The following PLEC variants were observed in gnomAD, a reference collection of about 807,000 sequenced individuals.
PLEC encodes the protein plectin.
PLEC carries 216 observed loss-of-function variants against 392.8 expected under a neutral mutation model. The ratio of observed to expected loss-of-function variants is 0.55; its 90% CI spans 0.49 to 0.62. PLEC has a LOEUF of 0.62. Among genes scored for constraint, PLEC ranks in the 20% least tolerant of loss-of-function variants. PLEC has a pLI of 0.00. For missense variants in PLEC, 6,863 were observed against 6,563.4 expected (o/e 1.05, Z -1.58); for synonymous variants, 3,621 against 2,980.6 (o/e 1.21, Z -7.00).
upstream of PLEC, chr8:143,975,078 C>T (rs1587436887): frequency 7.4e-7 from 1 of 1,355,422 alleles, no homozygotes; most frequent in East Asian, 2.3e-5. The surrounding 1 kb of genome is among the most constrained non-coding windows in gnomAD (Gnocchi z 9.9). Flanking sequence ...CCCCCTAGGC[C>T]TCCCCCACCC....
chr8:143,929,080 C>T (rs368911864), intron 25 of PLEC, 23 bp downstream of exon 25: 14 of 1,554,054 alleles, frequency 9.0e-6, no homozygotes, highest in Admixed American at 5.8e-5. Flanking sequence ...CCCAGCCCCT[C>T]GCCTGTGGCC....
In PLEC at chr8:143,922,647, CCTT is replaced by C; in HGVS notation, c.7279_7281del (p.Lys2427del). On this transcript the variant is annotated inframe_deletion, in exon 31 of 32. Coordinates refer to ENST00000345136, the MANE Select transcript of PLEC (RefSeq NM_201384.3). ...ATCTCCAGTGTCTGCACCAGGGTCACCTTCTCCTGGGTGGCGAGCTCCGTGCGG... is the reference window on the plus strand; with the variant it reads ...ATCTCCAGTGTCTGCACCAGGGTCACCTCCTGGGTGGCGAGCTCCGTGCGG... 1 of 1,613,604 alleles carries C rather than the reference CCTT, an allele frequency of 6.2e-7. No homozygotes were observed. The highest frequency in any genetic ancestry group is 8.5e-7 in the Non-Finnish European group (1 of 1,179,990).
chr8:143,944,741 C>G, intron 1 of PLEC: 3 of 1,260,926 alleles, frequency 2.4e-6, no homozygotes, highest in Non-Finnish European at 3.0e-6. Flanking sequence ...TCGGAGGAGG[C>G]ACAAGCCACT....
chr8:143,943,749 G>C (rs782581557), upstream of PLEC: 4 of 1,602,508 alleles, frequency 2.5e-6, no homozygotes, highest in Admixed American at 6.7e-5. Flanking sequence ...GCCCCGCCTC[G>C]AGTCCCTGGC....
At chr8:143,930,875 C>A (rs1363189227) in intron 19 of PLEC, among the ~76,000 whole-genome samples, 1 of 152,194 alleles carries the variant, frequency 6.6e-6, no homozygotes, top group Non-Finnish European at 1.5e-5. Context: ...CACCCCTCTG[C>A]GGGGGCCAGG....
At chr8:143,963,409 A>G (rs1301944970) in intron 1 of PLEC, among the ~76,000 whole-genome samples, 1 of 152,182 alleles carries the variant, frequency 6.6e-6, no homozygotes, top group African/African-American at 2.4e-5. Context: ...CGGGCCTTGA[A>G]ACCCCACGGA....
Position 143,924,126 on chromosome 8 carries a change from C to A in PLEC, c.5803G>T (p.Glu1935Ter). 6.3e-7 allele frequency: 1 copy of A among 1,598,942 alleles called. No individual in the cohort carries two copies. The highest frequency in any genetic ancestry group is 8.5e-7 in the Non-Finnish European group (1 of 1,179,508). Residue 1935 changes from glutamate to a stop codon, truncating the protein, a stop_gained, in exon 31 of 32, where the codon GAG (glutamate) becomes TAG (stop). Transcript: ENST00000345136. LOFTEE classifies it high-confidence loss of function. ...TCCGCCTTGCCAGCGGCCGCCTTCT[C>A]GAAGCTCGCCTTCAGCGCCAGGATC... ...EEILALKASF[E>*]KAAAGKAELE...
chr8:143,944,541 G>A, upstream of PLEC: 1 of 600,784 alleles, frequency 1.7e-6, no homozygotes, highest in Non-Finnish European at 2.7e-6. Flanking sequence ...GCTGTGTGCA[G>A]GGCGAGGGAC....
intron 1 of PLEC, among the ~76,000 whole-genome samples, chr8:143,960,591 T>C (rs1832827511): frequency 6.6e-6 from 1 of 151,964 alleles, no homozygotes; most frequent in Non-Finnish European, 1.5e-5. Flanking sequence ...CACTCCAGCC[T>C]GGGTGATAAA....
rs200347726 is a variant in PLEC at position 143,933,131 on chromosome 8, A to C, written c.1419-20T>G. On this transcript the variant is annotated intron_variant, in intron 13 of 31. Coordinates refer to ENST00000345136, the MANE Select transcript of PLEC (RefSeq NM_201384.3). ...TACACCCTGGGGCAGCAGAGGACTCAGGTAGGTGTTGGCGGGCCTGGGGCC... is the reference window on the plus strand; with the variant it reads ...TACACCCTGGGGCAGCAGAGGACTCCGGTAGGTGTTGGCGGGCCTGGGGCC... The C allele has an allele frequency of 1.3e-5, 19 of 1,429,072 alleles. No homozygotes were observed. The highest frequency in any genetic ancestry group is 1.8e-5 in the Non-Finnish European group (19 of 1,065,512). 88.5% of individuals were successfully genotyped at this position (1,429,072 alleles called of 1,614,324 possible).
At position 143,921,248 on chromosome 8, in the gene PLEC, G is replaced by T; in HGVS notation, c.8573C>A (p.Thr2858Lys). ...CTGCAGGTACGTGAGGTTCTCGTGCGTGTTGGGGTCAAAGAAGCCCTTGGT... is the reference window on the plus strand; with the variant it reads ...CTGCAGGTACGTGAGGTTCTCGTGCTTGTTGGGGTCAAAGAAGCCCTTGGT... ...DDTKGFFDPN[T>K]HENLTYLQLL... The change falls in exon 32 of 32, where the codon ACG becomes AAG. Residue 2858 changes from threonine (T) to lysine (K), a missense_variant. Transcript: ENST00000345136. 2 of 1,614,130 alleles carry T rather than the reference G, an allele frequency of 1.2e-6. No homozygotes were observed. Among genetic ancestry groups the T allele is most frequent in the Non-Finnish European group, 1.7e-6 (2 of 1,180,048 alleles).
intron 30 of PLEC, among the ~76,000 whole-genome samples, chr8:143,926,182 G>A (rs1330266589): frequency 2.0e-5 from 3 of 152,204 alleles, no homozygotes; most frequent in African/African-American, 4.8e-5. Context: ...GCAGGAGCTC[G>A]GAACCTGCGA....
chr8:143,931,605 G>A lies in PLEC; in HGVS notation c.2233C>T (p.Leu745=). The A allele has an allele frequency of 3.7e-6, 6 of 1,600,756 alleles. No homozygotes were observed. The highest frequency in any genetic ancestry group is 2.3e-5 in the South Asian group (2 of 88,790). The change falls in exon 19 of 32, where the codon CTG becomes TTG. Residue 745 remains leucine, a synonymous_variant. Coordinates refer to ENST00000345136, the MANE Select transcript of PLEC (RefSeq NM_201384.3). ...CGATCACAACTGTATTTCCTACGCA[G>A]TGCCTCCTGCAGCTTCTGCAACTGC... The part of the protein sequence containing the change: ...EGQLQKLQEA[L]RRKYSCDRSA...
Position 143,933,337 on chromosome 8 carries a change from C to T in PLEC, c.1278G>A (p.Leu426=). 1 of 1,611,760 alleles carries T rather than the reference C, an allele frequency of 6.2e-7. No individual in the cohort carries two copies. The highest frequency in any genetic ancestry group is 1.7e-5 in the Admixed American group (1 of 60,026). Residue 426 remains leucine (L), a synonymous_variant, in exon 13 of 32, where the codon CTG becomes CTA. Transcript: ENST00000345136. ...CCCGCTGTGGCACTTTGCCTGCAGC[C>T]AGCAGCCGGACATCCTGCAAGGTCG... ...DALLQSDVRL[L]AAGKVPQRAG... is the part of the protein sequence containing the mutation.
At position 143,925,795 on chromosome 8, in the gene PLEC, C is replaced by T. The variant is rs558224639; in HGVS notation, c.4134G>A (p.Ala1378=). 9.3e-5 allele frequency: 146 copies of T among 1,576,076 alleles called. No homozygotes were observed. Among genetic ancestry groups the T allele is most frequent in the East Asian group, 8.7e-4 (38 of 43,730 alleles). The change falls in exon 31 of 32, where the codon GCG becomes GCA. Residue 1378 remains alanine, a synonymous_variant. Coordinates refer to ENST00000345136, the MANE Select transcript of PLEC (RefSeq NM_201384.3). ...CCGCCTGTGCCTTTGCCTGGGCGTG[C>T]GCCTCGGCCAGCTGCCGCTGCTTCT... ...ALEKQRQLAE[A]HAQAKAQAER...
At chr8:143,934,239 G>A (rs572576934) in intron 11 of PLEC, 79 bp downstream of exon 11, 198 of 1,599,438 alleles carry the variant, frequency 1.2e-4, no homozygotes, top group Middle Eastern at 3.5e-4. Context: ...CGCCGGGGGC[G>A]GGGCGGGGAG....
At position 143,916,294 on chromosome 8, in the gene PLEC, G is replaced by A. The variant is rs781946767; in HGVS notation, c.13527C>T (p.Thr4509=). Residue 4509 remains threonine, a synonymous_variant, in exon 32 of 32, where the codon ACC becomes ACT. Coordinates refer to ENST00000345136, the MANE Select transcript of PLEC (RefSeq NM_201384.3). ...AGSRRGSFDA[T]GSGFSMTFSS... is the part of the protein sequence containing the mutation. ...AGAAGGTCATGGAGAAGCCGGAGCC[G>A]GTGGCGTCAAAGCTGCCGCGGCGGG... 1.2e-5 allele frequency: 19 copies of A among 1,576,608 alleles called. No homozygotes were observed. The highest frequency in any genetic ancestry group is 8.1e-5 in the African/African-American group (6 of 73,912).
Position 143,920,697 on chromosome 8 carries a change from T to C in PLEC, c.9124A>G (p.Asn3042Asp), listed in dbSNP as rs1239929061. ...EEAGQKLSIY[N>D]ALKKDLLPSD... ...GGCAGCAGGTCTTTCTTCAGGGCAT[T>C]GTAGATACTCAGCTTCTGCCCCGCC... The change falls in exon 32 of 32, where the codon AAT (asparagine) becomes GAT (aspartate). Residue 3042 changes from asparagine to aspartate, a missense_variant. Coordinates refer to ENST00000345136, the MANE Select transcript of PLEC (RefSeq NM_201384.3). 31 of 1,602,826 alleles carry C rather than the reference T, an allele frequency of 1.9e-5. No homozygotes were observed. The highest frequency in any genetic ancestry group is 2.5e-5 in the Non-Finnish European group (30 of 1,179,872).
At chr8:143,935,716 C>T in intron 6 of PLEC, 132 bp downstream of exon 6, 1 of 974,740 alleles carries the variant, frequency 1.0e-6, no homozygotes, top group Non-Finnish European at 1.6e-6. Context: ...CTCCACCACC[C>T]CGAGGCGGCC....
Sources: allele counts gnomAD v4.1 joint callset (sites outside exome capture counted in the v4.1 genomes callset), GRCh38; gene constraint gnomAD v4.1.1; non-coding constraint Gnocchi (gnomAD v3.1); transcripts MANE v1.5; gene names NCBI Gene and HGNC (gene_info 2026-07-23, HGNC 2026-07-21).